Variants in DSCAM observed in about 807,000 individuals in gnomAD.
The protein encoded by DSCAM is cell adhesion molecule DSCAM.
Under a neutral mutation model 217.7 loss-of-function variants are expected in DSCAM, and 47 were observed. The ratio of observed to expected loss-of-function variants is 0.22; its 90% CI spans 0.17 to 0.28. The LOEUF is 0.28. DSCAM is among the 10% of genes least tolerant of loss of function. DSCAM has a pLI of 1.00. For synonymous variants in DSCAM, 1,056 were observed against 1,015.3 expected (o/e 1.04, Z -0.76); for missense variants, 2,080 against 2,618.3 (o/e 0.79, Z 4.49).
At chr21:40,731,792 G>A (rs1031101155) in intron 1 of DSCAM, among the ~76,000 whole-genome samples, 6 of 140,642 alleles carry the variant, frequency 4.3e-5, no homozygotes, top group African/African-American at 1.1e-4. Context: ...GCAATGGTGC[G>A]ATCTCAGCTC....
chr21:40,752,811 G>T (rs1280715960), intron 1 of DSCAM, among the ~76,000 whole-genome samples: 1 of 152,138 alleles, frequency 6.6e-6, no homozygotes, highest in South Asian at 2.1e-4. Flanking sequence ...GGAAGGAAAG[G>T]AGGAGAGAAG....
At chr21:40,331,235 T>C (rs1298737115) in intron 8 of DSCAM, among the ~76,000 whole-genome samples, 1 of 152,170 alleles carries the variant, frequency 6.6e-6, no homozygotes, top group Non-Finnish European at 1.5e-5. Context: ...TGGAAGCTGA[T>C]AGTGCCAAGG....
chr21:40,557,716 C>G (rs1380385327), intron 3 of DSCAM, among the ~76,000 whole-genome samples: 4 of 152,140 alleles, frequency 2.6e-5, no homozygotes, highest in Admixed American at 6.5e-5. Flanking sequence ...CAACCTGAGG[C>G]CCTCACTGGA....
chr21:40,577,641 A>T (rs1475766404), intron 3 of DSCAM, among the ~76,000 whole-genome samples: 1 of 152,192 alleles, frequency 6.6e-6, no homozygotes, highest in East Asian at 1.9e-4. Context: ...AACGCTCAAA[A>T]TTCTCTCGGC....
At chr21:40,829,066 C>T (rs950675150) in intron 1 of DSCAM, among the ~76,000 whole-genome samples, 3 of 152,208 alleles carry the variant, frequency 2.0e-5, no homozygotes, top group Non-Finnish European at 2.9e-5. Context: ...TGCAACACTG[C>T]TGTCAATTTT....
In DSCAM at chr21:40,792,137, CTTTTTTTTT is replaced by C. The variant is rs67838146; in HGVS notation, c.43+54473_43+54481del. On this transcript the variant is annotated intron_variant, in intron 1 of 32. Transcript: ENST00000400454. ...GGTGTCCTAATCTCTTCTTCTTCTT[CTTTTTTTTT>C]TTTTTTTTTTTTGAGACAGAGTCTC... is the stretch of plus-strand genomic sequence containing the variant. Among the ~76,000 whole-genome samples the C allele has an allele frequency of 2.5e-5, 3 of 118,606 alleles. No homozygotes were observed. The Admixed American group carries it at 2.6e-4, about 10-fold the overall frequency. 77.8% of individuals were successfully genotyped at this position (118,606 alleles called of 152,430 possible).
intron 3 of DSCAM, among the ~76,000 whole-genome samples, chr21:40,370,762 G>A (rs2074888599): frequency 6.6e-6 from 1 of 151,992 alleles, no homozygotes. Context: ...CTGGAACTAT[G>A]GGAGTGGGCC....
intron 28 of DSCAM, among the ~76,000 whole-genome samples, chr21:40,062,282 C>T (rs190016572): frequency 1.8e-4 from 27 of 152,348 alleles, no homozygotes; most frequent in Non-Finnish European, 3.5e-4. Flanking sequence ...TCAATAACCA[C>T]TCTTCATTCA....
intron 6 of DSCAM, among the ~76,000 whole-genome samples, chr21:40,343,850 TATTTC>T (rs1320462621): frequency 6.6e-6 from 1 of 150,494 alleles, no homozygotes; most frequent in African/African-American, 2.4e-5. Context: ...ATTATTATTT[TATTTC>T]ATTTTATTTT....
intron 3 of DSCAM, among the ~76,000 whole-genome samples, chr21:40,664,409 T>TC (rs528852966): frequency 2.0e-5 from 3 of 151,972 alleles, no homozygotes; most frequent in African/African-American, 7.3e-5. Flanking sequence ...CTGCCCTGTT[T>TC]CCCCCCGGGA....
At chr21:40,290,512 T>C (rs2073877972) in intron 10 of DSCAM, among the ~76,000 whole-genome samples, 1 of 152,108 alleles carries the variant, frequency 6.6e-6, no homozygotes, top group African/African-American at 2.4e-5. Flanking sequence ...TCCCAGCTGC[T>C]TGGGAGGCTG....
intron 3 of DSCAM, among the ~76,000 whole-genome samples, chr21:40,501,638 C>T (rs926485328): frequency 6.6e-6 from 1 of 152,236 alleles, no homozygotes; most frequent in Non-Finnish European, 1.5e-5. Context: ...GTTGCCCAGG[C>T]TGAAGTGCAA....
intron 21 of DSCAM, among the ~76,000 whole-genome samples, chr21:40,090,215 C>T (rs2089589275): frequency 6.6e-6 from 1 of 152,188 alleles, no homozygotes; most frequent in Admixed American, 6.5e-5. Flanking sequence ...TCCCTCTCTA[C>T]TGGGATCTTC....
chr21:40,305,389 C>CAAAAAAAAAA (rs58738453), intron 9 of DSCAM, among the ~76,000 whole-genome samples: 67 of 68,544 alleles, frequency 9.8e-4, no homozygotes, highest in African/African-American at 2.7e-3. Context: ...GATCCCGTCT[C>CAAAAAAAAAA]AAAAAAAAAA....
intron 3 of DSCAM, among the ~76,000 whole-genome samples, chr21:40,441,064 G>A (rs373527384): frequency 6.6e-5 from 10 of 150,720 alleles, no homozygotes; most frequent in East Asian, 3.9e-4. Context: ...GTTTCTACTA[G>A]TCTGTGGACA....
chr21:40,789,397 C>T (rs1381352738), intron 1 of DSCAM, among the ~76,000 whole-genome samples: 1 of 152,046 alleles, frequency 6.6e-6, no homozygotes, highest in Non-Finnish European at 1.5e-5. Context: ...TGCTCTAGAA[C>T]CTAAGCATGC....
intron 1 of DSCAM, among the ~76,000 whole-genome samples, chr21:40,736,091 T>G (rs1211778829): frequency 6.6e-6 from 1 of 152,158 alleles, no homozygotes; most frequent in African/African-American, 2.4e-5. Flanking sequence ...AGGAAATCAC[T>G]TTACTTAGTA....
intron 20 of DSCAM, among the ~76,000 whole-genome samples, chr21:40,122,938 ATTTG>A (rs991618444): frequency 4.6e-5 from 7 of 152,178 alleles, no homozygotes; most frequent in African/African-American, 1.7e-4. Context: ...TAATCCATAA[ATTTG>A]TTTGGGAATA....
chr21:40,807,429 T>C (rs763415421), intron 1 of DSCAM, among the ~76,000 whole-genome samples: 2 of 152,010 alleles, frequency 1.3e-5, no homozygotes, highest in Non-Finnish European at 2.9e-5. Context: ...AATTGCAGGT[T>C]CATGGTCCTC....
Sources: gnomAD v4.1 joint callset for allele counts (sites outside exome capture counted in the v4.1 genomes callset) on GRCh38, gnomAD v4.1.1 for gene constraint, MANE v1.5 for transcripts, NCBI Gene and HGNC (gene_info 2026-07-23, HGNC 2026-07-21) for gene names.